Variants in F13A1 observed in about 807,000 individuals in gnomAD.
F13A1 encodes FSF, A subunit.
In F13A1, 47 loss-of-function variants were observed where a neutral mutation model predicts 80.1. The observed-to-expected ratio is 0.59, with a 90% confidence interval of 0.46 to 0.75. The LOEUF is 0.75. Ranked by LOEUF, F13A1 falls within the 30% of genes least tolerant of loss-of-function variation. The pLI is 0.00. For missense variants in F13A1, 817 were observed against 930.4 expected (o/e 0.88, Z 1.59); for synonymous variants, 349 against 344.9 (o/e 1.01, Z -0.13).
Position 6,243,492 on chromosome 6 carries a change from C to T in F13A1, c.798+4820G>A, listed in dbSNP as rs1757513964. Among the ~76,000 whole-genome samples, 1 of 152,174 alleles carries T rather than the reference C, an allele frequency of 6.6e-6. No individual in the cohort carries two copies. The highest frequency in any genetic ancestry group is 2.1e-4 in the South Asian group (1 of 4,830). On this transcript the variant is annotated intron_variant, in intron 6 of 14. Coordinates refer to ENST00000264870, the MANE Select transcript of F13A1 (RefSeq NM_000129.4). This position sits in a 1 kb window ranked among gnomAD's most constrained non-coding sequence, Gnocchi z 4.2. Reference sequence around the variant, plus strand: ...TGATTGATACCTTTCTTCACTTATTCCCCATTTTCAATAATTTGCCTCATC... The same window carrying T: ...TGATTGATACCTTTCTTCACTTATTTCCCATTTTCAATAATTTGCCTCATC...
intron 3 of F13A1, among the ~76,000 whole-genome samples, chr6:6,278,205 T>A (rs927281308): frequency 7.2e-5 from 11 of 152,142 alleles, no homozygotes; most frequent in Non-Finnish European, 1.5e-5. Flanking sequence ...ACATAAAGAT[T>A]AATGGAGTGT....
chr6:6,271,197 G>A (rs944630022), intron 3 of F13A1, among the ~76,000 whole-genome samples: 16 of 152,158 alleles, frequency 1.1e-4, no homozygotes, highest in African/African-American at 3.6e-4. Context: ...GAACCTCAGG[G>A]ACTGCTCTAT....
rs745509233 is a variant in F13A1 at position 6,195,771 on chromosome 6, G to C, written c.1305+26C>G. The C allele has an allele frequency of 4.4e-6, 7 of 1,601,940 alleles. No homozygotes were observed. In the South Asian group the frequency reaches 7.8e-5, roughly 18 times the overall value. On this transcript the variant is annotated intron_variant, in intron 10 of 14. Transcript: ENST00000264870. ...TGTTAAGAGGTTGGGGAGAAAAACA[G>C]CACTTTCCTCCAGCTTCCTGCTTAC...
At chr6:6,228,565 C>A (rs1583082733) in intron 6 of F13A1, among the ~76,000 whole-genome samples, 1 of 152,074 alleles carries the variant, frequency 6.6e-6, no homozygotes, top group South Asian at 2.1e-4. Context: ...GAAACCCCAT[C>A]TCTACTAAAA....
chr6:6,226,857 G>C (rs1481751384), intron 6 of F13A1, among the ~76,000 whole-genome samples: 1 of 152,172 alleles, frequency 6.6e-6, no homozygotes, highest in Non-Finnish European at 1.5e-5. Flanking sequence ...TATTAAGACA[G>C]AAAAATGTAG....
chr6:6,267,093 TC>T (rs1170537345), intron 3 of F13A1, among the ~76,000 whole-genome samples: 2 of 152,214 alleles, frequency 1.3e-5, no homozygotes, highest in African/African-American at 4.8e-5. Flanking sequence ...ATTACTAATT[TC>T]AAAGATCTTT....
intron 3 of F13A1, among the ~76,000 whole-genome samples, chr6:6,302,912 TC>T (rs911020516): frequency 1.3e-5 from 2 of 152,218 alleles, no homozygotes; most frequent in African/African-American, 4.8e-5. Flanking sequence ...CTGTTAAATT[TC>T]CTCAAAAAAT....
chr6:6,199,791 C>T (rs1030083114), intron 8 of F13A1, among the ~76,000 whole-genome samples: 9 of 152,108 alleles, frequency 5.9e-5, no homozygotes, highest in African/African-American at 2.2e-4. Context: ...AGAGGCAAGG[C>T]TGGAGATTGA....
At chr6:6,208,064 T>G (rs1054977916) in intron 8 of F13A1, among the ~76,000 whole-genome samples, 2 of 152,178 alleles carry the variant, frequency 1.3e-5, no homozygotes, top group African/African-American at 2.4e-5. Flanking sequence ...GAAATTGGTA[T>G]TAAGAAAGCT....
At chr6:6,313,708 T>C (rs1352891815) in intron 2 of F13A1, among the ~76,000 whole-genome samples, 2 of 152,150 alleles carry the variant, frequency 1.3e-5, no homozygotes, top group African/African-American at 4.8e-5. Context: ...AAAATAACTC[T>C]TTCTCACATT....
rs138036988 is a variant in F13A1, at chr6:6,195,885, C to G, written c.1217G>C (p.Gly406Ala). The G allele has an allele frequency of 1.9e-6, 3 of 1,613,930 alleles. No homozygotes were observed. In the African/African-American group the frequency reaches 4.0e-5, roughly 22 times the overall value. Residue 406 changes from glycine (G) to alanine (A), a missense_variant and splice_region_variant, in exon 10 of 15, where the codon GGC becomes GCC. By Grantham distance (60) the Gly-to-Ala change is moderately conservative (BLOSUM62 0). Transcript: ENST00000264870. ...CGAGGCGGGGCCACACCGATACATG[C>G]CTGCATTGCACAGAGGAAGGGCGGT... The part of the protein sequence containing the change: ...VDSTPQENSD[G>A]MYRCGPASVQ...
intron 6 of F13A1, among the ~76,000 whole-genome samples, chr6:6,231,487 G>A (rs1172572903): frequency 6.6e-6 from 1 of 152,096 alleles, no homozygotes; most frequent in African/African-American, 2.4e-5. Context: ...AATTCTGAAA[G>A]CTTGGAAAAT....
At chr6:6,188,123 T>C (rs1388734415) in intron 10 of F13A1, among the ~76,000 whole-genome samples, 3 of 152,196 alleles carry the variant, frequency 2.0e-5, no homozygotes, top group Admixed American at 2.0e-4. Flanking sequence ...TTTTTTTCTT[T>C]ATTGGTCTTG....
Position 6,210,299 on chromosome 6 carries a change from G to A in F13A1, c.1112+11734C>T, listed in dbSNP as rs186887538. Among the ~76,000 whole-genome samples, 14 of 111,650 alleles carry A rather than the reference G, an allele frequency of 1.3e-4. No individual in the cohort carries two copies. The East Asian group carries it at 3.4e-3, about 27-fold the overall frequency. The allele number at this position is 111,650 out of a possible 152,430, so 73.2% of individuals were successfully genotyped here. A position where few individuals can be genotyped will look rare whatever the true frequency, so the allele number is the denominator to read the frequency against. ...ATTGTGTACTTTACTTTAAAGGAGT[G>A]AATTTTGTAAATTTTGTAGCATGTG... On this transcript the variant is annotated intron_variant, in intron 8 of 14. Transcript: ENST00000264870.
At chr6:6,210,606 G>A (rs1265525230) in intron 8 of F13A1, among the ~76,000 whole-genome samples, 1 of 151,724 alleles carries the variant, frequency 6.6e-6, no homozygotes, top group Non-Finnish European at 1.5e-5. Flanking sequence ...GTGTTAGCCA[G>A]GATGGTCTTG....
At chr6:6,165,728 T>G (rs1239678831) in intron 13 of F13A1, among the ~76,000 whole-genome samples, 1 of 152,242 alleles carries the variant, frequency 6.6e-6, no homozygotes, top group Non-Finnish European at 1.5e-5. Flanking sequence ...ATCCTGCACC[T>G]TAAGCTATTA....
chr6:6,174,511 G>T, intron 12 of F13A1, 69 bp downstream of exon 12: 10 of 1,521,510 alleles, frequency 6.6e-6, no homozygotes, highest in Non-Finnish European at 9.1e-6. Context: ...GCTATAACGG[G>T]CATTAACACC....
At chr6:6,237,585 C>T (rs1757429670) in intron 6 of F13A1, among the ~76,000 whole-genome samples, 1 of 152,132 alleles carries the variant, frequency 6.6e-6, no homozygotes, top group Non-Finnish European at 1.5e-5. Context: ...TACCTGGTGC[C>T]CTATTGATCC....
intron 4 of F13A1, 110 bp downstream of exon 4, chr6:6,266,448 G>A (rs2113123474): frequency 6.5e-7 from 1 of 1,547,734 alleles, no homozygotes. Flanking sequence ...CTGGCCTCAA[G>A]CGATCCTCCC....
Sources: gnomAD v4.1 joint callset for allele counts (sites outside exome capture counted in the v4.1 genomes callset) on GRCh38, gnomAD v4.1.1 for gene constraint, Gnocchi (gnomAD v3.1) non-coding constraint, MANE v1.5 for transcripts, NCBI Gene and HGNC (gene_info 2026-07-23, HGNC 2026-07-21) for gene names.